Variants in SGK1 observed in about 807,000 individuals in gnomAD.
SGK1 encodes serine/threonine-protein kinase Sgk1.
In SGK1, 26 loss-of-function variants were observed where a neutral mutation model predicts 64.2. The observed-to-expected ratio is 0.40, with a 90% CI of 0.30 to 0.56. The LOEUF (loss-of-function observed/expected upper bound fraction) is 0.56, where lower values mean the gene tolerates loss of function less well. SGK1 is among the 20% of genes least tolerant of loss of function. The probability of loss-of-function intolerance (pLI) is 0.38; values close to 1 mark genes in which losing one functional copy is unlikely to be tolerated. For synonymous variants in SGK1, 265 were observed against 239.7 expected (o/e 1.11, Z -0.98); for missense variants, 519 against 645.6 (o/e 0.80, Z 2.12).
intron 3 of SGK1, among the ~76,000 whole-genome samples, chr6:134,181,564 C>T (rs917923818): frequency 3.9e-5 from 6 of 152,060 alleles, no homozygotes; most frequent in African/African-American, 7.2e-5. Flanking sequence ...AGACTGGTCT[C>T]GGATTCCTGA....
chr6:134,265,622 A>C (rs993692172), intron 1 of SGK1, among the ~76,000 whole-genome samples: 23 of 131,514 alleles, frequency 1.7e-4, no homozygotes, highest in African/African-American at 7.0e-4. Flanking sequence ...ATATATACAT[A>C]TATATATATA....
chr6:134,265,523 AC>A (rs1349750120), intron 1 of SGK1, among the ~76,000 whole-genome samples: 2 of 147,324 alleles, frequency 1.4e-5, no homozygotes, highest in East Asian at 4.0e-4. Context: ...TTTTATATAT[AC>A]ATATATATTT....
chr6:134,256,506 A>ACTTTC, intron 2 of SGK1, among the ~76,000 whole-genome samples: 1 of 152,022 alleles, frequency 6.6e-6, no homozygotes, highest in Non-Finnish European at 1.5e-5. Flanking sequence ...CCACTTCAAA[A>ACTTTC]CTTTCCTTTC....
chr6:134,215,067 C>G, intron 2 of SGK1: 1 of 455,512 alleles, frequency 2.2e-6, no homozygotes, highest in Non-Finnish European at 4.4e-6. Flanking sequence ...AGGGAGATGT[C>G]AGTTGTCCAG....
At chr6:134,250,864 C>T (rs571050174) in intron 2 of SGK1, among the ~76,000 whole-genome samples, 1 of 152,234 alleles carries the variant, frequency 6.6e-6, no homozygotes, top group African/African-American at 2.4e-5. Flanking sequence ...GACTTGACCT[C>T]CTGGGCTCAA....
chr6:134,295,014 C>T (rs548190570), intron 1 of SGK1, among the ~76,000 whole-genome samples: 52 of 152,144 alleles, frequency 3.4e-4, no homozygotes, highest in African/African-American at 1.2e-3. Context: ...TGGTTTTTGG[C>T]TACATTTATA....
intron 1 of SGK1, among the ~76,000 whole-genome samples, chr6:134,279,806 C>A (rs983791094): frequency 2.6e-5 from 4 of 152,108 alleles, no homozygotes; most frequent in African/African-American, 4.8e-5. Flanking sequence ...GTTCTACATA[C>A]GAATTTGAAA....
Position 134,172,657 on chromosome 6 carries a change from C to A in SGK1, c.947+5G>T. 2.5e-6 allele frequency: 4 copies of A among 1,583,732 alleles called. No homozygotes were observed. The highest frequency in any genetic ancestry group is 3.5e-6 in the Non-Finnish European group (4 of 1,152,184). On this transcript the variant is annotated splice_donor_5th_base_variant and intron_variant, in intron 9 of 13. Transcript: ENST00000367858. ...ACTGGTAGCCTGAAGAGCTCTCAGGCTTACCTATAAACGATGTTCAGTGAA... is the reference window on the plus strand; with the variant it reads ...ACTGGTAGCCTGAAGAGCTCTCAGGATTACCTATAAACGATGTTCAGTGAA...
intron 1 of SGK1, among the ~76,000 whole-genome samples, chr6:134,289,263 C>A (rs540501036): frequency 1.3e-5 from 2 of 152,296 alleles, no homozygotes; most frequent in Admixed American, 6.5e-5. Context: ...AGGTAGTGTA[C>A]TAAAATTGCA....
chr6:134,286,984 G>A (rs1183466022), intron 1 of SGK1, among the ~76,000 whole-genome samples: 1 of 151,966 alleles, frequency 6.6e-6, no homozygotes, highest in African/African-American at 2.4e-5. Flanking sequence ...GTATTTTCTT[G>A]GAGAAGTCTT....
intron 2 of SGK1, among the ~76,000 whole-genome samples, chr6:134,229,718 AAT>A (rs376795452): frequency 6.6e-5 from 10 of 152,156 alleles, no homozygotes; most frequent in African/African-American, 2.4e-4. Flanking sequence ...CATATACATG[AAT>A]ATATCTGCGG....
At chr6:134,269,778 C>T (rs1344840461) in intron 1 of SGK1, among the ~76,000 whole-genome samples, 1 of 148,116 alleles carries the variant, frequency 6.8e-6, no homozygotes, top group African/African-American at 2.4e-5. Flanking sequence ...CTCCTGGAAG[C>T]AAATTCATCT....
At chr6:134,177,639 A>G (rs769439290) in intron 3 of SGK1, 1 of 1,607,764 alleles carries the variant, frequency 6.2e-7, no homozygotes, top group Non-Finnish European at 8.5e-7. Flanking sequence ...GGCATCTGCA[A>G]AATATAGTAC....
chr6:134,193,854 G>A (rs1775556671), intron 3 of SGK1, among the ~76,000 whole-genome samples: 3 of 119,054 alleles, frequency 2.5e-5, no homozygotes, highest in African/African-American at 3.5e-5. Flanking sequence ...GGAGGGGAGG[G>A]GAAAAATTAA....
In SGK1 at chr6:134,261,922, C is replaced by A. The variant is rs1776771606; in HGVS notation, c.285+11G>T. The A allele has an allele frequency of 6.3e-7, 1 of 1,593,440 alleles. No individual in the cohort carries two copies. The highest frequency in any genetic ancestry group is 2.2e-5 in the East Asian group (1 of 44,804). The stretch of plus-strand genomic sequence containing the variant: ...TCCAGGAGAATAGATCCAGAGCGAA[C>A]ATGAACTTACTTCACACCCAGATTG... On this transcript the variant is annotated intron_variant, in intron 2 of 13. Coordinates refer to ENST00000367858, the MANE Select transcript of SGK1 (RefSeq NM_001143676.3).
At chr6:134,189,722 A>G (rs1775478232) in intron 3 of SGK1, among the ~76,000 whole-genome samples, 1 of 152,228 alleles carries the variant, frequency 6.6e-6, no homozygotes, top group Non-Finnish European at 1.5e-5. Context: ...TTGTTTATAT[A>G]CCTTATTATA....
At chr6:134,175,948 G>A (rs1775222750) in intron 3 of SGK1, 4 of 1,070,110 alleles carry the variant, frequency 3.7e-6, no homozygotes, top group Non-Finnish European at 4.6e-6. Flanking sequence ...GGAGGGGGCG[G>A]AAATAAAAGT....
At chr6:134,203,579 T>C (rs1298109140) in intron 3 of SGK1, among the ~76,000 whole-genome samples, 1 of 152,142 alleles carries the variant, frequency 6.6e-6, no homozygotes, top group Non-Finnish European at 1.5e-5. Context: ...GATAAGCACC[T>C]TAACTATAAG....
At chr6:134,263,541 C>T (rs1405760545) in intron 1 of SGK1, among the ~76,000 whole-genome samples, 1 of 151,990 alleles carries the variant, frequency 6.6e-6, no homozygotes, top group Non-Finnish European at 1.5e-5. Flanking sequence ...ATATATACTA[C>T]TGCACAACTT....
Sources: allele counts gnomAD v4.1 joint callset (sites outside exome capture counted in the v4.1 genomes callset), GRCh38; gene constraint gnomAD v4.1.1; transcripts MANE v1.5; gene names NCBI Gene and HGNC (gene_info 2026-07-23, HGNC 2026-07-21).